Variants in HUNK observed in about 807,000 individuals in gnomAD.
HUNK encodes hormonally up-regulated Neu-associated kinase, also known as hormonally up-regulated neu tumor-associated kinase.
Under a neutral mutation model 61.0 loss-of-function variants are expected in HUNK, and 21 were observed. That is an observed-to-expected ratio of 0.34 (90% CI 0.24 to 0.50). The LOEUF is 0.50. Ranked by LOEUF, HUNK falls within the 20% of genes least tolerant of loss-of-function variation. HUNK has a pLI of 0.98. For synonymous variants in HUNK, 371 were observed against 386.1 expected (o/e 0.96, Z 0.46); for missense variants, 772 against 945.7 (o/e 0.82, Z 2.41).
At chr21:31,881,694 C>T (rs1031190745) in intron 1 of HUNK, among the ~76,000 whole-genome samples, 1 of 152,054 alleles carries the variant, frequency 6.6e-6, no homozygotes, top group African/African-American at 2.4e-5. Context: ...AAATATAGTC[C>T]CCGTAGCAAA....
intron 9 of HUNK, among the ~76,000 whole-genome samples, chr21:31,993,421 G>A (rs764459420): frequency 1.6e-4 from 24 of 152,202 alleles, no homozygotes; most frequent in Non-Finnish European, 2.9e-4. Context: ...TTTGCTGATC[G>A]ATTTAAAAAG....
intron 2 of HUNK, among the ~76,000 whole-genome samples, chr21:31,933,014 C>T (rs1243382262): frequency 2.0e-5 from 3 of 151,110 alleles, no homozygotes; most frequent in Admixed American, 6.6e-5. Context: ...CAGGTTCAAG[C>T]GATGCTCATG....
At chr21:31,905,405 G>A (rs1305653772) in intron 1 of HUNK, among the ~76,000 whole-genome samples, 2 of 152,144 alleles carry the variant, frequency 1.3e-5, no homozygotes, top group Non-Finnish European at 2.9e-5. Flanking sequence ...GACAGCCCTA[G>A]CAAACAAACA....
chr21:31,931,125 G>GA (rs1301950803), intron 2 of HUNK, among the ~76,000 whole-genome samples: 1 of 151,168 alleles, frequency 6.6e-6, no homozygotes, highest in East Asian at 1.9e-4. Context: ...TTGCCTTGGG[G>GA]AGTTATGTGC....
intron 1 of HUNK, among the ~76,000 whole-genome samples, chr21:31,892,214 G>GTA (rs2052395752): frequency 1.3e-5 from 2 of 148,284 alleles, no homozygotes; most frequent in Non-Finnish European, 3.0e-5. Context: ...GAGAGAGTGT[G>GTA]TGTGTGTGTG....
intron 2 of HUNK, among the ~76,000 whole-genome samples, chr21:31,939,399 G>GTTTTTTTTTT (rs398036365): frequency 3.0e-5 from 2 of 66,720 alleles, no homozygotes; most frequent in African/African-American, 1.4e-4. Context: ...GCTTTCATGT[G>GTTTTTTTTTT]TTTTTTTTTT....
chr21:31,916,501 A>C (rs1018781533), intron 1 of HUNK, among the ~76,000 whole-genome samples: 10 of 151,996 alleles, frequency 6.6e-5, no homozygotes, highest in African/African-American at 2.4e-4. Context: ...AATACCTAAC[A>C]AAGGCCGTCA....
In HUNK at chr21:32,002,840, A is replaced by G. The variant is rs996033157; in HGVS notation, c.*3656A>G. ...AGCCTTAGAGGGTGACATAGCTAGA[A>G]AGTGGAGAAGCTCACTGTTCACTGT... On this transcript the variant is annotated 3_prime_UTR_variant, in exon 11 of 11. Coordinates refer to ENST00000270112, the MANE Select transcript of HUNK (RefSeq NM_014586.2). 1 of 152,228 alleles carries G rather than the reference A, an allele frequency of 6.6e-6. No homozygotes were observed. The highest frequency in any genetic ancestry group is 2.4e-5 in the African/African-American group (1 of 41,456). 9.4% of individuals were successfully genotyped at this position (152,228 alleles called of 1,614,324 possible). A position where few individuals can be genotyped will look rare whatever the true frequency, so the allele number is the denominator to read the frequency against.
chr21:31,966,232 C>G (rs991471695), intron 5 of HUNK, among the ~76,000 whole-genome samples: 1 of 152,116 alleles, frequency 6.6e-6, no homozygotes, highest in African/African-American at 2.4e-5. Flanking sequence ...GCTGTGAATG[C>G]CATTAGTTTG....
At chr21:31,886,541 G>A (rs761243682) in intron 1 of HUNK, among the ~76,000 whole-genome samples, 5 of 152,090 alleles carry the variant, frequency 3.3e-5, no homozygotes, top group Non-Finnish European at 5.9e-5. Context: ...CTGATCCCAT[G>A]GAATATATTT....
Position 32,003,878 on chromosome 21 carries a change from A to T in HUNK, c.*4694A>T, listed in dbSNP as rs565158816. ...TTCAGGATTTGCAGTCCCCCTCCAC[A>T]TGTATCCACATCTGAGCTGGTGGTG... is the stretch of plus-strand genomic sequence containing the variant. On this transcript the variant is annotated 3_prime_UTR_variant, in exon 11 of 11. Coordinates refer to ENST00000270112, the MANE Select transcript of HUNK (RefSeq NM_014586.2). The T allele has an allele frequency of 6.6e-6, 1 of 152,214 alleles. No individual in the cohort carries two copies. The highest frequency in any genetic ancestry group is 2.4e-5 in the African/African-American group (1 of 41,432). The allele number at this position is 152,214 out of a possible 1,614,324, so 9.4% of individuals were successfully genotyped here.
At chr21:31,914,041 G>A (rs570936204) in intron 1 of HUNK, among the ~76,000 whole-genome samples, 20 of 152,278 alleles carry the variant, frequency 1.3e-4, no homozygotes, top group African/African-American at 4.3e-4. Context: ...TTCAGAGGCT[G>A]TGTGCCCAGC....
intron 5 of HUNK, among the ~76,000 whole-genome samples, chr21:31,964,463 G>A (rs750558822): frequency 2.6e-5 from 4 of 152,172 alleles, no homozygotes; most frequent in Non-Finnish European, 4.4e-5. Flanking sequence ...AAAGAAAGTG[G>A]GGTTTGCGAT....
At position 32,000,252 on chromosome 21, in the gene HUNK, A is replaced by G. The variant is rs2053237235; in HGVS notation, c.*1068A>G. 1.0e-5 allele frequency: 4 copies of G among 399,138 alleles called. No individual in the cohort carries two copies. The highest frequency in any genetic ancestry group is 1.8e-5 in the Non-Finnish European group (4 of 226,102). 24.7% of individuals were successfully genotyped at this position (399,138 alleles called of 1,614,324 possible). A position where few individuals can be genotyped will look rare whatever the true frequency, so the allele number is the denominator to read the frequency against. ...TGCCCACAGAACTGGTGCGGCTCAG[A>G]GCTCGGCGAGTTTGCTGGGAGCTGG... On this transcript the variant is annotated 3_prime_UTR_variant, in exon 11 of 11. Transcript: ENST00000270112.
intron 3 of HUNK, among the ~76,000 whole-genome samples, chr21:31,940,531 G>A (rs759109518): frequency 2.0e-5 from 3 of 152,074 alleles, no homozygotes; most frequent in Non-Finnish European, 2.9e-5. Flanking sequence ...CCATAGCTTC[G>A]CCATATCTCA....
chr21:31,961,337 C>T (rs7282709), intron 5 of HUNK, among the ~76,000 whole-genome samples: 67,245 of 151,878 alleles, frequency 0.44, 15,984 homozygotes, highest in Non-Finnish European at 0.53. Flanking sequence ...TTGGGGCTAT[C>T]ATGAATAAAG....
intron 4 of HUNK, among the ~76,000 whole-genome samples, chr21:31,957,807 C>A (rs1037220294): frequency 1.5e-4 from 23 of 152,100 alleles, no homozygotes; most frequent in Non-Finnish European, 2.9e-4. Context: ...CAGAATCTCA[C>A]AATAAACAAT....
Position 31,924,791 on chromosome 21 carries a change from A to C in HUNK, c.554+31A>C. On this transcript the variant is annotated intron_variant, in intron 2 of 10. Transcript: ENST00000270112. This position sits in a 1 kb window ranked among gnomAD's most constrained non-coding sequence, Gnocchi z 5.1. ...GGCCAGGCCACGCTGGTGATCGCTG[A>C]CTGTGTGCTCCGTGGGTGGCACTGG... 1 of 1,558,778 alleles carries C rather than the reference A, an allele frequency of 6.4e-7. No homozygotes were observed. Among genetic ancestry groups the C allele is most frequent in the Non-Finnish European group, 8.7e-7 (1 of 1,153,220 alleles).
chr21:31,912,277 G>A (rs1020261899), intron 1 of HUNK, among the ~76,000 whole-genome samples: 1 of 152,142 alleles, frequency 6.6e-6, no homozygotes, highest in Non-Finnish European at 1.5e-5. Flanking sequence ...ATGACCGAGG[G>A]TTTGGTGCCT....
Sources: allele counts gnomAD v4.1 joint callset (sites outside exome capture counted in the v4.1 genomes callset), GRCh38; gene constraint gnomAD v4.1.1; non-coding constraint Gnocchi (gnomAD v3.1); transcripts MANE v1.5; gene names NCBI Gene and HGNC (gene_info 2026-07-23, HGNC 2026-07-21).